Variants in ATXN7L1 observed in about 807,000 individuals in gnomAD.
ATXN7L1 encodes ataxin-7-like protein 1.
Under a neutral mutation model 70.8 loss-of-function variants are expected in ATXN7L1, and 15 were observed. That is an observed-to-expected ratio of 0.21 (90% CI 0.14 to 0.33). The LOEUF (loss-of-function observed/expected upper bound fraction) is 0.33, where lower values mean the gene tolerates loss of function less well. Among genes scored for constraint, ATXN7L1 ranks in the 10% least tolerant of loss-of-function variants. The pLI is 1.00. For synonymous variants in ATXN7L1, 440 were observed against 445.1 expected (o/e 0.99, Z 0.14); for missense variants, 975 against 1,097.1 (o/e 0.89, Z 1.57).
chr7:105,693,443 G>A (rs1791275214), intron 3 of ATXN7L1, among the ~76,000 whole-genome samples: 1 of 152,106 alleles, frequency 6.6e-6, no homozygotes, highest in Non-Finnish European at 1.5e-5. Flanking sequence ...CCTCCCGCTT[G>A]GGCCTCCAAA....
intron 4 of ATXN7L1, among the ~76,000 whole-genome samples, chr7:105,653,591 G>A (rs1203887648): frequency 2.0e-5 from 3 of 152,194 alleles, no homozygotes; most frequent in African/African-American, 7.2e-5. Flanking sequence ...AAAAGGTCCA[G>A]GCCTCAGCAT....
intron 3 of ATXN7L1, among the ~76,000 whole-genome samples, chr7:105,669,518 C>T (rs533654246): frequency 2.6e-5 from 4 of 152,168 alleles, no homozygotes; most frequent in African/African-American, 9.6e-5. Flanking sequence ...AATAAATAGG[C>T]GAAAGCAGTA....
chr7:105,609,506 C>T (rs1304233986), intron 11 of ATXN7L1, among the ~76,000 whole-genome samples: 1 of 151,662 alleles, frequency 6.6e-6, no homozygotes, highest in African/African-American at 2.4e-5. Context: ...CGCTCTGTTG[C>T]CCAGGCTGGA....
At chr7:105,744,819 C>A (rs980950099) in intron 3 of ATXN7L1, among the ~76,000 whole-genome samples, 1 of 148,640 alleles carries the variant, frequency 6.7e-6, no homozygotes, top group African/African-American at 2.5e-5. Flanking sequence ...CTCACTGCAA[C>A]CTCCGCCTCC....
chr7:105,667,656 G>A (rs34527117), intron 3 of ATXN7L1, among the ~76,000 whole-genome samples: 21,972 of 93,122 alleles, frequency 0.24, 3,964 homozygotes, highest in African/African-American at 0.33. Context: ...CCGAGATCCC[G>A]CCACTGCACT....
At chr7:105,873,156 AAAAAC>A (rs67923679) in intron 2 of ATXN7L1, among the ~76,000 whole-genome samples, 144,532 of 150,776 alleles carry the variant, frequency 0.96, 69,345 homozygotes, top group African/African-American at 0.99. Context: ...TCCGTCTCAA[AAAAAC>A]AAAACAAAAC....
At chr7:105,822,929 C>G (rs1810362291) in intron 2 of ATXN7L1, among the ~76,000 whole-genome samples, 1 of 152,136 alleles carries the variant, frequency 6.6e-6, no homozygotes, top group African/African-American at 2.4e-5. Flanking sequence ...ATGTATTAGA[C>G]TAGTATGCGC....
chr7:105,677,472 G>A (rs759535753), intron 3 of ATXN7L1, among the ~76,000 whole-genome samples: 26 of 152,290 alleles, frequency 1.7e-4, no homozygotes, highest in South Asian at 6.2e-4. Context: ...TAAGTGTCCT[G>A]TGCCTGGACA....
At chr7:105,649,611 C>A (rs1288925413) in intron 4 of ATXN7L1, 1 of 986,592 alleles carries the variant, frequency 1.0e-6, no homozygotes, top group Admixed American at 6.1e-5. Context: ...GCAAGAGCCA[C>A]CAATGTGCCG....
In ATXN7L1 at chr7:105,607,687, T is replaced by TA. The variant is rs926495140; in HGVS notation, c.*164dup. The TA allele has an allele frequency of 3.4e-5, 20 of 583,658 alleles. No homozygotes were observed. Among genetic ancestry groups the TA allele is most frequent in the African/African-American group, 2.8e-4 (15 of 53,356 alleles). The allele number at this position is 583,658 out of a possible 1,614,324, so 36.2% of individuals were successfully genotyped here. A position where few individuals can be genotyped will look rare whatever the true frequency, so the allele number is the denominator to read the frequency against. On this transcript the variant is annotated 3_prime_UTR_variant, in exon 12 of 12. Transcript: ENST00000419735. ...ATTCACCTTCTTTTGCCTTTTTAAC[T>TA]AAAAATTGGTCAATTAAAAAAAGAA...
chr7:105,780,856 T>C (rs143589130), intron 3 of ATXN7L1, among the ~76,000 whole-genome samples: 1 of 152,216 alleles, frequency 6.6e-6, no homozygotes, highest in African/African-American at 2.4e-5. Context: ...ACTTTCTACA[T>C]GCGGCTGTGA....
At chr7:105,834,394 A>C (rs1812068029) in intron 2 of ATXN7L1, among the ~76,000 whole-genome samples, 1 of 152,208 alleles carries the variant, frequency 6.6e-6, no homozygotes, top group African/African-American at 2.4e-5. Flanking sequence ...TATGCCACTG[A>C]ATGGATATAT....
At chr7:105,788,887 C>A (rs1804715742) in intron 2 of ATXN7L1, among the ~76,000 whole-genome samples, 179 bp from the exon 3 acceptor site, 1 of 152,226 alleles carries the variant, frequency 6.6e-6, no homozygotes, top group South Asian at 2.1e-4. Flanking sequence ...CTTAGAGAAG[C>A]AAGTGCTTCA....
intron 4 of ATXN7L1, among the ~76,000 whole-genome samples, chr7:105,660,635 T>C (rs964200280): frequency 5.5e-5 from 7 of 128,302 alleles, no homozygotes; most frequent in African/African-American, 9.3e-5. Context: ...CAGGCTGGAG[T>C]GCAGTGGCGC....
chr7:105,702,565 G>GACAC (rs1441552360), intron 3 of ATXN7L1, among the ~76,000 whole-genome samples: 21 of 147,810 alleles, frequency 1.4e-4, no homozygotes, highest in African/African-American at 4.3e-4. Context: ...CACACACACA[G>GACAC]ACACACATAC....
intron 6 of ATXN7L1, among the ~76,000 whole-genome samples, chr7:105,639,063 G>A (rs934589025): frequency 6.6e-6 from 1 of 152,140 alleles, no homozygotes; most frequent in Non-Finnish European, 1.5e-5. Flanking sequence ...CCTTGGGTCA[G>A]CTGTTCCCCT....
chr7:105,613,894 G>A lies in ATXN7L1; in HGVS notation c.2440C>T (p.Pro814Ser). The change falls in exon 10 of 12, where the codon CCC becomes TCC. Residue 814 changes from proline to serine, a missense_variant. Pro to Ser is a moderately conservative substitution (Grantham distance 74). Coordinates refer to ENST00000419735, the MANE Select transcript of ATXN7L1 (RefSeq NM_020725.2). ...KNPPSLLAPV[P>S]DPVNSTSSRQ... ...GAGGAGGTGCTGTTAACGGGATCGG[G>A]CACCGGTGCGAGAAGGCTGGGCGGG... 1 of 1,552,046 alleles carries A rather than the reference G, an allele frequency of 6.4e-7. No homozygotes were observed.
chr7:105,874,868 C>T (rs1312676848), intron 2 of ATXN7L1, among the ~76,000 whole-genome samples: 4 of 152,118 alleles, frequency 2.6e-5, no homozygotes, highest in Middle Eastern at 3.2e-3. Flanking sequence ...TTTGGGATGA[C>T]CAATGCACCT....
chr7:105,872,040 T>C (rs1017608742), intron 2 of ATXN7L1, among the ~76,000 whole-genome samples: 6 of 151,940 alleles, frequency 3.9e-5, no homozygotes, highest in Non-Finnish European at 8.8e-5. Context: ...TCGCCCAGGC[T>C]GGAGTGCAGT....
Sources: allele counts gnomAD v4.1 joint callset (sites outside exome capture counted in the v4.1 genomes callset), GRCh38; gene constraint gnomAD v4.1.1; transcripts MANE v1.5; gene names NCBI Gene and HGNC (gene_info 2026-07-23, HGNC 2026-07-21).